Variants in ABL2 observed in about 807,000 individuals in gnomAD.
The protein encoded by ABL2 is ABL proto-oncogene 2, non-receptor tyrosine kinase, also known as tyrosine-protein kinase ABL2.
A neutral mutation model predicts 107.7 loss-of-function variants in ABL2; 49 were observed. The ratio of observed to expected loss-of-function variants is 0.45; its 90% CI spans 0.36 to 0.58. ABL2 has a LOEUF of 0.58. Among genes scored for constraint, ABL2 ranks in the 20% least tolerant of loss-of-function variants. The probability of loss-of-function intolerance (pLI) is 0.00; values close to 1 mark genes in which losing one functional copy is unlikely to be tolerated. For synonymous variants in ABL2, 549 were observed against 548.6 expected (o/e 1.00, Z -0.01); for missense variants, 1,245 against 1,457.0 (o/e 0.85, Z 2.37).
intron 7 of ABL2, among the ~76,000 whole-genome samples, chr1:179,117,963 A>C (rs1451807958): frequency 6.6e-6 from 1 of 151,778 alleles, no homozygotes; most frequent in Non-Finnish European, 1.5e-5. Context: ...CAAAAAAAAA[A>C]CAAAAAACAA....
intron 1 of ABL2, among the ~76,000 whole-genome samples, chr1:179,223,095 G>T (rs1275365894): frequency 2.3e-5 from 3 of 131,366 alleles, no homozygotes; most frequent in Admixed American, 1.8e-4. Context: ...GGGAGACAGA[G>T]CAAGGCTCCC....
chr1:179,110,874 C>A, intron 10 of ABL2: 1 of 1,613,432 alleles, frequency 6.2e-7, no homozygotes, highest in African/African-American at 1.3e-5. Flanking sequence ...TACGTGTATT[C>A]AGGTTTATTA....
rs1005403185 is a variant in ABL2, at chr1:179,099,615, A to G, written c.*8103T>C. The G allele has an allele frequency of 2.2e-5, 5 of 231,106 alleles. No homozygotes were observed. Among genetic ancestry groups the G allele is most frequent in the Middle Eastern group, 1.3e-3 (1 of 776 alleles). 14.3% of individuals were successfully genotyped at this position (231,106 alleles called of 1,614,324 possible). A position where few individuals can be genotyped will look rare whatever the true frequency, so the allele number is the denominator to read the frequency against. On this transcript the variant is annotated 3_prime_UTR_variant, in exon 12 of 12. Transcript: ENST00000502732. ...CCACATTGTCTCACTATGTCCCCTT[A>G]GCAATGCACACAGTGCCCGATGCTC... is the stretch of plus-strand genomic sequence containing the variant.
At chr1:179,142,912 A>T (rs769762084) in intron 1 of ABL2, 69 of 1,610,008 alleles carry the variant, frequency 4.3e-5, no homozygotes, top group Non-Finnish European at 5.9e-5. Context: ...CCTCCCTGAA[A>T]CTATCAACTC....
At chr1:179,145,772 G>A (rs959604064) in intron 1 of ABL2, among the ~76,000 whole-genome samples, 2 of 152,138 alleles carry the variant, frequency 1.3e-5, no homozygotes, top group Non-Finnish European at 2.9e-5. Context: ...AGATGAGCAT[G>A]AAACAAAGTA....
chr1:179,217,637 A>C (rs576817712), intron 1 of ABL2, among the ~76,000 whole-genome samples: 1 of 152,142 alleles, frequency 6.6e-6, no homozygotes, highest in Non-Finnish European at 1.5e-5. Flanking sequence ...AAAAAAAAAA[A>C]AAAGAAAAGA....
At chr1:179,166,788 A>G (rs927587574) in intron 1 of ABL2, among the ~76,000 whole-genome samples, 7 of 151,780 alleles carry the variant, frequency 4.6e-5, no homozygotes, top group African/African-American at 1.5e-4. Flanking sequence ...AAAAAAAAAA[A>G]AAAAAAGAAA....
intron 1 of ABL2, among the ~76,000 whole-genome samples, chr1:179,187,239 C>T (rs1420520880): frequency 6.6e-6 from 1 of 152,194 alleles, no homozygotes; most frequent in Non-Finnish European, 1.5e-5. Context: ...CCAGATGCAG[C>T]AGGTTTGCCA....
intron 1 of ABL2, among the ~76,000 whole-genome samples, chr1:179,135,124 G>A (rs1370005710): frequency 1.3e-5 from 2 of 152,202 alleles, no homozygotes; most frequent in South Asian, 2.1e-4. Flanking sequence ...CCAAAGTGCC[G>A]AGATTGCAGC....
At chr1:179,116,356 C>T (rs1654617175) in intron 8 of ABL2, among the ~76,000 whole-genome samples, 1 of 152,062 alleles carries the variant, frequency 6.6e-6, no homozygotes, top group African/African-American at 2.4e-5. Context: ...GCCTGGACAA[C>T]AGAGCAAGGC....
chr1:179,154,472 T>A (rs1313927000), intron 1 of ABL2, among the ~76,000 whole-genome samples: 1 of 152,244 alleles, frequency 6.6e-6, no homozygotes, highest in Non-Finnish European at 1.5e-5. Context: ...AGCCACATAT[T>A]GTGTCTACTG....
intron 4 of ABL2, among the ~76,000 whole-genome samples, chr1:179,124,645 T>G (rs1414783465): frequency 6.6e-6 from 1 of 151,720 alleles, no homozygotes; most frequent in Admixed American, 6.6e-5. Flanking sequence ...ATTTTTGTAT[T>G]TGTAGTAGAG....
intron 6 of ABL2, 65 bp downstream of exon 6, chr1:179,120,125 G>A (rs1452774280): frequency 7.0e-6 from 7 of 994,190 alleles, no homozygotes; most frequent in Non-Finnish European, 9.0e-6. Context: ...AGCATTTGGA[G>A]ATAACAAGGG....
chr1:179,118,348 A>C (rs1018822218), intron 7 of ABL2, among the ~76,000 whole-genome samples: 1 of 152,130 alleles, frequency 6.6e-6, no homozygotes, highest in African/African-American at 2.4e-5. Flanking sequence ...CCCCATCACT[A>C]TTGCAATTTT....
chr1:179,137,849 C>G (rs1200474244), intron 1 of ABL2: 1 of 152,258 alleles, frequency 6.6e-6, no homozygotes, highest in Non-Finnish European at 1.5e-5. Flanking sequence ...GCCACGGGCA[C>G]TGTGGAGCTG....
chr1:179,177,164 G>C (rs1440537363), intron 1 of ABL2, among the ~76,000 whole-genome samples: 1 of 152,114 alleles, frequency 6.6e-6, no homozygotes, highest in Non-Finnish European at 1.5e-5. Flanking sequence ...GTGAGGAGCA[G>C]GTTCCTATTT....
chr1:179,228,155 A>G (rs977789962), intron 1 of ABL2, among the ~76,000 whole-genome samples: 1 of 151,324 alleles, frequency 6.6e-6, no homozygotes, highest in African/African-American at 2.4e-5. Flanking sequence ...ACCTGATGTC[A>G]GGAGTATATG....
At chr1:179,122,080 C>T (rs1655266287) in intron 4 of ABL2, among the ~76,000 whole-genome samples, 1 of 151,480 alleles carries the variant, frequency 6.6e-6, no homozygotes, top group African/African-American at 2.4e-5. Flanking sequence ...GCGCCCGCCA[C>T]CATGCCCGGC....
intron 1 of ABL2, among the ~76,000 whole-genome samples, chr1:179,227,063 T>C (rs1487198436): frequency 6.6e-6 from 1 of 152,200 alleles, no homozygotes; most frequent in Non-Finnish European, 1.5e-5. Context: ...GGCCAGTCTT[T>C]CAGGTAAAGA....
Sources: allele counts gnomAD v4.1 joint callset (sites outside exome capture counted in the v4.1 genomes callset), GRCh38; gene constraint gnomAD v4.1.1; transcripts MANE v1.5; gene names NCBI Gene and HGNC (gene_info 2026-07-23, HGNC 2026-07-21).